Variants in PIH1D1 observed in about 807,000 individuals in gnomAD.
The protein encoded by PIH1D1 is PIH1 domain-containing protein 1.
A neutral mutation model predicts 38.5 loss-of-function variants in PIH1D1; 28 were observed. The observed-to-expected ratio is 0.73, with a 90% CI of 0.54 to 1.00. The LOEUF (loss-of-function observed/expected upper bound fraction) is 1.00. Ranked by LOEUF, PIH1D1 falls within the 50% of genes least tolerant of loss-of-function variation. PIH1D1 has a pLI of 0.00. For synonymous variants in PIH1D1, 155 were observed against 153.5 expected (o/e 1.01, Z -0.07); for missense variants, 343 against 369.9 (o/e 0.93, Z 0.60).
chr19:49,449,750 TC>T, intron 2 of PIH1D1, 96 bp from the exon 3 acceptor site: 2 of 1,061,246 alleles, frequency 1.9e-6, no homozygotes, highest in Non-Finnish European at 2.7e-6. Flanking sequence ...TTTTGCCCTG[TC>T]CCCCTTTTTT....
At position 49,447,968 on chromosome 19, in the gene PIH1D1, T is replaced by C. The variant is rs769489252; in HGVS notation, c.399+33A>G. ...CGGGGAGGGTAGGGGTAGAGACCCC[T>C]GCCCAGGCCTCAACCGCAGCCCCGC... On this transcript the variant is annotated intron_variant, in intron 4 of 8. Coordinates refer to ENST00000262265, the MANE Select transcript of PIH1D1 (RefSeq NM_017916.3). 17 of 1,613,490 alleles carry C rather than the reference T, an allele frequency of 1.1e-5. No individual in the cohort carries two copies. In the Middle Eastern group the frequency reaches 8.2e-4, roughly 78 times the overall value.
intron 2 of PIH1D1, among the ~76,000 whole-genome samples, chr19:49,450,156 A>G (rs1399517195): frequency 1.3e-5 from 2 of 151,758 alleles, no homozygotes; most frequent in Non-Finnish European, 2.9e-5. Flanking sequence ...CAGTGGTACG[A>G]TCTTGGCTCA....
chr19:49,447,634 A>G (rs2079032484), intron 5 of PIH1D1, 167 bp from the exon 6 acceptor site: 11 of 936,384 alleles, frequency 1.2e-5, no homozygotes, highest in East Asian at 7.6e-5. Context: ...CGCCCCTCCC[A>G]TGATATGCCC....
Position 49,447,484 on chromosome 19 carries a change from C to T in PIH1D1, c.482-17G>A. 1.2e-6 allele frequency: 2 copies of T among 1,605,586 alleles called. No homozygotes were observed. The highest frequency in any genetic ancestry group is 1.7e-6 in the Non-Finnish European group (2 of 1,179,870). ...TGCGCCATTCTGAGGGTCAGGAGCG[C>T]CGTCAAACATCGTACAGGTCAGGGT... On this transcript the variant is annotated splice_polypyrimidine_tract_variant and intron_variant, in intron 5 of 8. Coordinates refer to ENST00000262265, the MANE Select transcript of PIH1D1 (RefSeq NM_017916.3).
In PIH1D1 at chr19:49,451,813, A is replaced by C; in HGVS notation, c.-239T>G. The C allele has an allele frequency of 1.7e-6, 2 of 1,189,182 alleles. No homozygotes were observed. The highest frequency in any genetic ancestry group is 2.2e-6 in the Non-Finnish European group (2 of 901,908). The allele number at this position is 1,189,182 out of a possible 1,614,324, so 73.7% of individuals were successfully genotyped here. On this transcript the variant is annotated 5_prime_UTR_variant, in exon 1 of 9. Coordinates refer to ENST00000262265, the MANE Select transcript of PIH1D1 (RefSeq NM_017916.3). ...CTCCGTCCTACGTGCCGAACTGTAA[A>C]CGAAGCCACACTTCCGGTCTATCGG... is the stretch of plus-strand genomic sequence containing the variant.
chr19:49,447,881 T>C lies in PIH1D1; in HGVS notation c.427A>G (p.Ile143Val), dbSNP rs751785950. Residue 143 changes from isoleucine (I) to valine (V), a missense_variant, in exon 5 of 9, where the codon ATC (isoleucine) becomes GTC (valine). Physicochemically the swap from Ile to Val is conservative, Grantham distance 29. Coordinates refer to ENST00000262265, the MANE Select transcript of PIH1D1 (RefSeq NM_017916.3). ...QNSDFLRELV[I>V]TIAREGLEDK... The stretch of plus-strand genomic sequence containing the variant: ...TCAAGGCCCTCCCTGGCGATGGTGA[T>C]CACGAGCTCCCGCAAGAAATCGCTG... The C allele has an allele frequency of 4.3e-6, 7 of 1,614,132 alleles. No individual in the cohort carries two copies. Among genetic ancestry groups the C allele is most frequent in the Non-Finnish European group, 5.1e-6 (6 of 1,179,986 alleles).
In PIH1D1 at chr19:49,447,439, G is replaced by A; in HGVS notation, c.510C>T (p.Phe170=). The A allele has an allele frequency of 3.1e-6, 5 of 1,611,498 alleles. No individual in the cohort carries two copies. The highest frequency in any genetic ancestry group is 4.2e-6 in the Non-Finnish European group (5 of 1,179,964). The change falls in exon 6 of 9, where the codon TTC becomes TTT. Residue 170 remains phenylalanine (F), a synonymous_variant. Transcript: ENST00000262265. ...TGTTCTGCTGCGAGATGGAGCCCAT[G>A]AATGGCCGGTTCTTCATCATGCGCC... ...PEWRMMKNRP[F]MGSISQQNIR... is the part of the protein sequence containing the mutation.
Position 49,451,785 on chromosome 19 carries a change from A to ACC in PIH1D1, c.-213_-212dup. The ACC allele has an allele frequency of 7.3e-7, 1 of 1,367,554 alleles. No homozygotes were observed. The highest frequency in any genetic ancestry group is 9.5e-7 in the Non-Finnish European group (1 of 1,052,966). 84.7% of individuals were successfully genotyped at this position (1,367,554 alleles called of 1,614,324 possible). On this transcript the variant is annotated 5_prime_UTR_variant, in exon 1 of 9. Transcript: ENST00000262265. Reference sequence around the variant, plus strand: ...GGGAATATGTGTCTCTAGACGCACTACCCTCCGTCCTACGTGCCGAACTGT... The same window carrying ACC: ...GGGAATATGTGTCTCTAGACGCACTACCCCCTCCGTCCTACGTGCCGAACTGT...
In PIH1D1 at chr19:49,450,952, C is replaced by T. The variant is rs1424219107; in HGVS notation, c.91-104G>A. ...TTATGCATGAGAGCTGTGGATAACG[C>T]GAGAAATTAGACGGTTTAGGTCCCC... is the stretch of plus-strand genomic sequence containing the variant. On this transcript the variant is annotated intron_variant, in intron 1 of 8. Coordinates refer to ENST00000262265, the MANE Select transcript of PIH1D1 (RefSeq NM_017916.3). 7 of 1,593,836 alleles carry T rather than the reference C, an allele frequency of 4.4e-6. No homozygotes were observed. The African/African-American group carries it at 5.4e-5, about 12-fold the overall frequency.
At chr19:49,448,299 G>A (rs1411687523) in intron 3 of PIH1D1, 1 of 552,920 alleles carries the variant, frequency 1.8e-6, no homozygotes. Flanking sequence ...TCCCTTCCCT[G>A]CTCACAGCTC....
chr19:49,448,599 C>T (rs1447690248), intron 3 of PIH1D1: 1 of 177,902 alleles, frequency 5.6e-6, no homozygotes, highest in Non-Finnish European at 1.2e-5. Context: ...TTCCCTGACC[C>T]CTTCATGTGG....
intron 3 of PIH1D1, chr19:49,448,619 C>T (rs781448936): frequency 5.8e-6 from 1 of 172,844 alleles, no homozygotes; most frequent in Non-Finnish European, 1.3e-5. Context: ...GGTGACGAGC[C>T]CTCTCAAGGC....
chr19:49,450,687 C>T, intron 2 of PIH1D1, 95 bp downstream of exon 2: 1 of 491,304 alleles, frequency 2.0e-6, no homozygotes, highest in South Asian at 3.4e-5. Context: ...ACCCCACCCC[C>T]ACCCTAGGCC....
At chr19:49,447,496 G>T in intron 5 of PIH1D1, 29 bp from the exon 6 acceptor site, 2 of 1,603,148 alleles carry the variant, frequency 1.2e-6, no homozygotes, top group South Asian at 1.1e-5. Flanking sequence ...GTCAAACATC[G>T]TACAGGTCAG....
chr19:49,450,994 TAGA>T lies in PIH1D1; in HGVS notation c.91-149_91-147del, dbSNP rs2079055291. The T allele has an allele frequency of 7.0e-6, 10 of 1,421,088 alleles. No individual in the cohort carries two copies. In the South Asian group the frequency reaches 8.6e-5, roughly 12 times the overall value. The allele number at this position is 1,421,088 out of a possible 1,614,324, so 88.0% of individuals were successfully genotyped here. A position where few individuals can be genotyped will look rare whatever the true frequency, so the allele number is the denominator to read the frequency against. On this transcript the variant is annotated intron_variant, in intron 1 of 8. Transcript: ENST00000262265. Reference sequence around the variant, plus strand: ...TAGGTCCCCTTTCTCCTTTGAGAACTAGAAGAACAACCCCAACCCCATTCCCAT... The same window carrying T: ...TAGGTCCCCTTTCTCCTTTGAGAACTAGAACAACCCCAACCCCATTCCCAT...
At chr19:49,448,859 T>C (rs2079040631) in intron 3 of PIH1D1, 4 of 185,472 alleles carry the variant, frequency 2.2e-5, no homozygotes, top group South Asian at 9.7e-5. Context: ...AAGACAGAGA[T>C]GGAGAAAGGG....
intron 2 of PIH1D1, among the ~76,000 whole-genome samples, chr19:49,449,921 A>G (rs2079048193): frequency 6.6e-6 from 1 of 151,164 alleles, no homozygotes; most frequent in Non-Finnish European, 1.5e-5. Flanking sequence ...CAGCCTCCCA[A>G]GTAGCTGGGA....
Position 49,448,026 on chromosome 19 carries a change from T to G in PIH1D1, c.374A>C (p.Asn125Thr). 1.2e-6 allele frequency: 2 copies of G among 1,614,176 alleles called. No individual in the cohort carries two copies. Among genetic ancestry groups the G allele is most frequent in the Non-Finnish European group, 1.7e-6 (2 of 1,180,014 alleles). The change falls in exon 4 of 9, where the codon AAC becomes ACC. Residue 125 changes from asparagine to threonine, a missense_variant. Asn to Thr is a moderately conservative substitution (Grantham distance 65). Coordinates refer to ENST00000262265, the MANE Select transcript of PIH1D1 (RefSeq NM_017916.3). ...QGCTAYDVAV[N>T]SDFYRRMQNS... ...CTGCATCCTCCGGTAGAAGTCGCTG[T>G]TGACAGCTACGTCGTAGGCGGTACA...
intron 3 of PIH1D1, 171 bp downstream of exon 3, chr19:49,449,304 C>T (rs553586590): frequency 1.1e-5 from 8 of 741,532 alleles, no homozygotes; most frequent in Admixed American, 8.1e-5. Context: ...ACCAGGACTG[C>T]CCGGGTGTGG....
Sources: gnomAD v4.1 joint callset for allele counts (sites outside exome capture counted in the v4.1 genomes callset) on GRCh38, gnomAD v4.1.1 for gene constraint, MANE v1.5 for transcripts, NCBI Gene and HGNC (gene_info 2026-07-23, HGNC 2026-07-21) for gene names.